The following SLC22A5 variants were observed in gnomAD, a reference collection of about 807,000 sequenced individuals.
SLC22A5 encodes organic cation/carnitine transporter 2.
In SLC22A5, 44 loss-of-function variants were observed where a neutral mutation model predicts 56.7. That is an observed-to-expected ratio of 0.78 (90% CI 0.61 to 1.00). The LOEUF (loss-of-function observed/expected upper bound fraction) is 1.00, where lower values mean the gene tolerates loss of function less well. Ranked by LOEUF, SLC22A5 falls within the 50% of genes least tolerant of loss-of-function variation. The pLI, the probability that SLC22A5 is intolerant of heterozygous loss-of-function variation, is 0.00. For missense variants in SLC22A5, 675 were observed against 723.0 expected (o/e 0.93, Z 0.76); for synonymous variants, 278 against 292.1 (o/e 0.95, Z 0.49).
intron 1 of SLC22A5, among the ~76,000 whole-genome samples, chr5:132,370,716 G>A (rs2126766188): frequency 6.6e-6 from 1 of 152,336 alleles, no homozygotes; most frequent in South Asian, 2.1e-4. Context: ...AAGTAGCAGA[G>A]CCAGGACTTG....
chr5:132,371,909 A>G (rs984460500), intron 1 of SLC22A5, among the ~76,000 whole-genome samples: 1 of 152,140 alleles, frequency 6.6e-6, no homozygotes, highest in Non-Finnish European at 1.5e-5. Context: ...GGAGATCCCA[A>G]CTGTGTTGCT....
intron 2 of SLC22A5, 56 bp from the exon 3 acceptor site, chr5:132,384,091 C>G: frequency 6.3e-7 from 1 of 1,575,606 alleles, no homozygotes; most frequent in African/African-American, 1.3e-5. Flanking sequence ...CTTGGTGGAG[C>G]CCATTCCTGC....
At chr5:132,390,533 C>A in intron 6 of SLC22A5, 157 bp from the exon 7 acceptor site, 1 of 712,102 alleles carries the variant, frequency 1.4e-6, no homozygotes, top group Non-Finnish European at 2.6e-6. Context: ...ATCTTTTGAT[C>A]TATGAAGTAA....
At chr5:132,374,954 T>C (rs1752082396) in intron 1 of SLC22A5, among the ~76,000 whole-genome samples, 1 of 152,082 alleles carries the variant, frequency 6.6e-6, no homozygotes, top group Non-Finnish European at 1.5e-5. Flanking sequence ...CTCAGGAGGC[T>C]GAGGCATGAG....
Position 132,370,320 on chromosome 5 carries a change from C to G in SLC22A5, c.348C>G (p.Gly116=). The change falls in exon 1 of 10, where the codon GGC becomes GGG. Residue 116 remains glycine (G), a synonymous_variant. Transcript: ENST00000245407. ...GQLEQESCLD[G]WEFSQDVYLS... ...TGGAGCAGGAGAGCTGTCTGGATGG[C>G]TGGGAGTTCAGTCAGGACGTCTACC... The G allele has an allele frequency of 6.2e-7, 1 of 1,611,848 alleles. No homozygotes were observed. The highest frequency in any genetic ancestry group is 8.5e-7 in the Non-Finnish European group (1 of 1,179,548).
At chr5:132,391,341 G>A (rs11746555) in intron 7 of SLC22A5, among the ~76,000 whole-genome samples, 41,426 of 152,026 alleles carry the variant, frequency 0.27, 7,265 homozygotes, top group Non-Finnish European at 0.4. Context: ...CTCATGGAAC[G>A]TACACCCTAG....
chr5:132,373,977 G>A (rs1752040939), intron 1 of SLC22A5, among the ~76,000 whole-genome samples: 1 of 152,170 alleles, frequency 6.6e-6, no homozygotes, highest in African/African-American at 2.4e-5. Context: ...CCAGCACTTT[G>A]GGAGGCTGAG....
intron 3 of SLC22A5, among the ~76,000 whole-genome samples, chr5:132,384,783 C>T (rs925061295): frequency 3.9e-5 from 6 of 152,292 alleles, no homozygotes; most frequent in Middle Eastern, 3.4e-3. Context: ...AAGGGGCTTT[C>T]GTCACCTTCA....
intron 1 of SLC22A5, among the ~76,000 whole-genome samples, chr5:132,373,465 A>G (rs1455679197): frequency 6.6e-6 from 1 of 152,104 alleles, no homozygotes; most frequent in South Asian, 2.1e-4. Flanking sequence ...GTGAAACTCC[A>G]TCTCTACTAA....
rs1752553318 is a variant in SLC22A5 at position 132,387,011 on chromosome 5, C to T, written c.825-14C>T. 1 of 1,613,924 alleles carries T rather than the reference C, an allele frequency of 6.2e-7. No homozygotes were observed. ...GCAGGGAGGCCTCACTGAGATTGGA[C>T]CTTGTACTGCCAGGTTCATCCCTGA... On this transcript the variant is annotated splice_polypyrimidine_tract_variant and intron_variant, in intron 4 of 9. Coordinates refer to ENST00000245407, the MANE Select transcript of SLC22A5 (RefSeq NM_003060.4).
rs767059559 is a variant in SLC22A5 at position 132,378,239 on chromosome 5, A to C, written c.394-139A>C. ...TGCTCTCTGCCTTCCTGCCCAGGTGAGCCATCACCTGACTAAGTGAGTTCA... is the reference window on the plus strand; with the variant it reads ...TGCTCTCTGCCTTCCTGCCCAGGTGCGCCATCACCTGACTAAGTGAGTTCA... On this transcript the variant is annotated intron_variant, in intron 1 of 9. Transcript: ENST00000245407. The C allele has an allele frequency of 2.6e-5, 42 of 1,613,858 alleles. No homozygotes were observed. The East Asian group carries it at 3.3e-4, about 13-fold the overall frequency.
At chr5:132,383,975 G>C in intron 2 of SLC22A5, 172 bp from the exon 3 acceptor site, 6 of 684,556 alleles carry the variant, frequency 8.8e-6, no homozygotes, top group East Asian at 2.7e-5. Flanking sequence ...GAGTGGGGAG[G>C]GGGAGAAATA....
At position 132,369,814 on chromosome 5, in the gene SLC22A5, C is replaced by G. The variant is rs1751809074; in HGVS notation, c.-159C>G. The G allele has an allele frequency of 1.1e-6, 1 of 918,566 alleles. No individual in the cohort carries two copies. The highest frequency in any genetic ancestry group is 1.8e-5 in the South Asian group (1 of 55,208). The allele number at this position is 918,566 out of a possible 1,614,324, so 56.9% of individuals were successfully genotyped here. On this transcript the variant is annotated 5_prime_UTR_variant, in exon 1 of 10. Coordinates refer to ENST00000245407, the MANE Select transcript of SLC22A5 (RefSeq NM_003060.4). The stretch of plus-strand genomic sequence containing the variant: ...TATGTAAGGCCAGCCGCGGCAGGAC[C>G]AAGGCGGCGGTGTCAGCTCGCGAGC...
chr5:132,394,332 C>A lies in SLC22A5; in HGVS notation c.*60C>A. On this transcript the variant is annotated 3_prime_UTR_variant, in exon 10 of 10. Transcript: ENST00000245407. ...AGACTGTCTTGCCAGAAATGGCCAG[C>A]TTGTGCAGACTCCGAGTCCTTCAGT... 1 of 1,189,684 alleles carries A rather than the reference C, an allele frequency of 8.4e-7. No homozygotes were observed. Among genetic ancestry groups the A allele is most frequent in the Non-Finnish European group, 1.3e-6 (1 of 794,858 alleles). 73.7% of individuals were successfully genotyped at this position (1,189,684 alleles called of 1,614,324 possible). A position where few individuals can be genotyped will look rare whatever the true frequency, so the allele number is the denominator to read the frequency against.
intron 8 of SLC22A5, 111 bp from the exon 9 acceptor site, chr5:132,393,565 G>A (rs901159969): frequency 3.1e-6 from 4 of 1,296,134 alleles, no homozygotes; most frequent in Non-Finnish European, 4.5e-6. Flanking sequence ...AGAGATGTGA[G>A]ACCAAGAAGG....
At chr5:132,383,715 G>T in intron 2 of SLC22A5, 1 of 237,292 alleles carries the variant, frequency 4.2e-6, no homozygotes, top group Non-Finnish European at 8.4e-6. Context: ...ATCTATTATT[G>T]GTTGCTGTTC....
chr5:132,391,505 T>C (rs1394923838), intron 7 of SLC22A5, among the ~76,000 whole-genome samples: 2 of 152,090 alleles, frequency 1.3e-5, no homozygotes, highest in African/African-American at 4.8e-5. Flanking sequence ...GAAATGTACA[T>C]AAAGTGACAG....
chr5:132,390,467 C>G, intron 6 of SLC22A5: 1 of 613,808 alleles, frequency 1.6e-6, no homozygotes, highest in Non-Finnish European at 2.9e-6. Flanking sequence ...ATATGGAAGG[C>G]TCTGAGAGCG....
chr5:132,374,179 A>G (rs1220473807), intron 1 of SLC22A5, among the ~76,000 whole-genome samples: 36 of 151,562 alleles, frequency 2.4e-4, no homozygotes, highest in Admixed American at 2.4e-3. Flanking sequence ...AGATCGCACC[A>G]TTGCATGCCA....
Sources: allele counts gnomAD v4.1 joint callset (sites outside exome capture counted in the v4.1 genomes callset), GRCh38; gene constraint gnomAD v4.1.1; transcripts MANE v1.5; gene names NCBI Gene and HGNC (gene_info 2026-07-23, HGNC 2026-07-21).